The following OCA2 variants were observed in gnomAD, a reference collection of about 807,000 sequenced individuals.
The protein encoded by OCA2 is OCA2 melanosomal transmembrane protein.
In OCA2, 77 loss-of-function variants were observed where a neutral mutation model predicts 100.2. That is an observed-to-expected ratio of 0.77 (90% confidence interval 0.64 to 0.93). OCA2 has a LOEUF of 0.93. OCA2 is among the 40% of genes least tolerant of loss of function. The pLI is 0.00. For missense variants in OCA2, 1,062 were observed against 1,089.1 expected (o/e 0.98, Z 0.35); for synonymous variants, 432 against 439.2 (o/e 0.98, Z 0.21).
intron 23 of OCA2, among the ~76,000 whole-genome samples, chr15:27,804,706 C>T (rs148856142): frequency 2.3e-4 from 35 of 152,222 alleles, no homozygotes; most frequent in African/African-American, 7.7e-4. Context: ...GAATGGGAGG[C>T]GCCTGGGAAA....
At chr15:27,890,317 T>C (rs571458788) in intron 19 of OCA2, among the ~76,000 whole-genome samples, 2 of 152,310 alleles carry the variant, frequency 1.3e-5, no homozygotes, top group South Asian at 4.1e-4. Context: ...ATTTTCCCAA[T>C]TTGGCAAAAG....
intron 2 of OCA2, among the ~76,000 whole-genome samples, chr15:28,049,966 T>G (rs1195830419): frequency 2.0e-5 from 3 of 152,156 alleles, no homozygotes; most frequent in African/African-American, 7.2e-5. Context: ...TGATATATAT[T>G]TTTTCCACAC....
Position 27,951,834 on chromosome 15 carries a change from A to T in OCA2, c.1901T>A (p.Ile634Asn), listed in dbSNP as rs200692258. The T allele has an allele frequency of 6.9e-5, 112 of 1,614,000 alleles. No individual in the cohort carries two copies. Among genetic ancestry groups the T allele is most frequent in the Non-Finnish European group, 5.9e-5 (70 of 1,179,960 alleles). ...AAACGAATTGAGGAAAAACATGAAGATAACAAATCCCAACACTGTCAGGCA... is the reference window on the plus strand; with the variant it reads ...AAACGAATTGAGGAAAAACATGAAGTTAACAAATCCCAACACTGTCAGGCA... ...AKCLTVLGFV[I>N]FMFFLNSFVP... The change falls in exon 18 of 24, where the codon ATC becomes AAC. Residue 634 changes from isoleucine to asparagine, a missense_variant. Physicochemically the swap from Ile to Asn is moderately radical, Grantham distance 149. Transcript: ENST00000354638.
chr15:27,740,017 T>C, the OCA2 span, among the ~76,000 whole-genome samples: 1 of 152,222 alleles, frequency 6.6e-6, no homozygotes, highest in South Asian at 2.1e-4. Context: ...TGTTTGACTA[T>C]ACACTGGTTA....
chr15:28,093,488 C>G (rs1595938699), intron 1 of OCA2, among the ~76,000 whole-genome samples: 1 of 151,978 alleles, frequency 6.6e-6, no homozygotes, highest in African/African-American at 2.4e-5. Context: ...GAGGGTGGTT[C>G]ACTCCTGCAT....
chr15:27,798,483 G>C (rs1381680432), intron 23 of OCA2, among the ~76,000 whole-genome samples: 1 of 152,008 alleles, frequency 6.6e-6, no homozygotes, highest in Non-Finnish European at 1.5e-5. Flanking sequence ...TCATTTGCAG[G>C]AGGTCATGAC....
intron 2 of OCA2, among the ~76,000 whole-genome samples, chr15:28,049,455 G>A (rs543504166): frequency 1.3e-5 from 2 of 152,130 alleles, no homozygotes; most frequent in South Asian, 2.1e-4. Flanking sequence ...ATAATCTAGC[G>A]ATTTCACTCC....
intron 2 of OCA2, among the ~76,000 whole-genome samples, chr15:28,044,541 C>G (rs916935273): frequency 6.6e-6 from 1 of 152,204 alleles, no homozygotes; most frequent in African/African-American, 2.4e-5. Flanking sequence ...ATTATCCCTG[C>G]CACGTGCTAC....
At chr15:27,985,426 C>T (rs1449381243) in intron 12 of OCA2, among the ~76,000 whole-genome samples, 1 of 152,196 alleles carries the variant, frequency 6.6e-6, no homozygotes, top group African/African-American at 2.4e-5. Flanking sequence ...TCTTCCTTCA[C>T]AGAGCCCCTG....
intron 1 of OCA2, among the ~76,000 whole-genome samples, chr15:28,089,531 C>T (rs936068309): frequency 3.3e-5 from 5 of 152,122 alleles, no homozygotes; most frequent in East Asian, 1.9e-4. Flanking sequence ...TCCCTCCATT[C>T]GGGGTCCCTG....
intron 22 of OCA2, among the ~76,000 whole-genome samples, chr15:27,850,601 A>G (rs1218079825): frequency 1.3e-5 from 2 of 152,172 alleles, no homozygotes; most frequent in Non-Finnish European, 2.9e-5. Context: ...CATTACAGAA[A>G]CTTCACTGAA....
intron 23 of OCA2, among the ~76,000 whole-genome samples, chr15:27,816,772 C>T (rs1167885372): frequency 6.6e-6 from 1 of 152,148 alleles, no homozygotes; most frequent in Non-Finnish European, 1.5e-5. Flanking sequence ...ACTGGAGCCA[C>T]CCTCTGTTTC....
intron 19 of OCA2, among the ~76,000 whole-genome samples, chr15:27,908,469 C>G (rs1474619908): frequency 1.3e-5 from 2 of 152,190 alleles, no homozygotes; most frequent in Non-Finnish European, 2.9e-5. Flanking sequence ...GGCATTTCCA[C>G]TATGTCAGTG....
the OCA2 span, among the ~76,000 whole-genome samples, chr15:27,730,109 T>G: frequency 2.6e-5 from 4 of 152,198 alleles, no homozygotes; most frequent in African/African-American, 7.2e-5. Context: ...CAAGTCCTGG[T>G]CCTCCTATGC....
chr15:28,061,235 C>T (rs542961418), intron 2 of OCA2, among the ~76,000 whole-genome samples: 7 of 152,222 alleles, frequency 4.6e-5, no homozygotes, highest in East Asian at 1.9e-4. Flanking sequence ...AGCTGAAAGC[C>T]GACCCCAACA....
downstream of OCA2, among the ~76,000 whole-genome samples, chr15:27,750,983 C>T (rs1200684689): frequency 1.3e-5 from 2 of 152,190 alleles, no homozygotes; most frequent in African/African-American, 4.8e-5. Flanking sequence ...GAAGAGAGGT[C>T]AGCCAGGTGC....
chr15:27,755,431 A>T lies in OCA2; in HGVS notation c.2474T>A (p.Met825Lys), dbSNP rs1477878331. 6.2e-7 allele frequency: 1 copy of T among 1,613,938 alleles called. No individual in the cohort carries two copies. Among genetic ancestry groups the T allele is most frequent in the Admixed American group, 1.7e-5 (1 of 60,004 alleles). Reference sequence around the variant, plus strand: ...CACATGAGCCACAAGGAGATAACACATCCCAACAGTGCAGGACACAACCAT... The same window carrying T: ...CACATGAGCCACAAGGAGATAACACTTCCCAACAGTGCAGGACACAACCAT... The part of the protein sequence containing the change: ...PMMVVSCTVG[M>K]CYLLVAHVVV... Residue 825 changes from methionine to lysine, a missense_variant, in exon 24 of 24, where the codon ATG becomes AAG. By Grantham distance (95) the Met-to-Lys change is moderately conservative (BLOSUM62 -1). Coordinates refer to ENST00000354638, the MANE Select transcript of OCA2 (RefSeq NM_000275.3).
intron 17 of OCA2, among the ~76,000 whole-genome samples, chr15:27,954,829 C>T (rs941030795): frequency 5.3e-5 from 8 of 152,212 alleles, no homozygotes; most frequent in Non-Finnish European, 8.8e-5. Flanking sequence ...GTCTCCCCTC[C>T]GCAAAGTGTG....
At chr15:27,826,803 T>C (rs2034742636) in intron 23 of OCA2, among the ~76,000 whole-genome samples, 2 of 152,388 alleles carry the variant, frequency 1.3e-5, no homozygotes, top group South Asian at 2.1e-4. Context: ...GCACACTAGC[T>C]ATTAAACACC....
Sources: allele counts gnomAD v4.1 joint callset (sites outside exome capture counted in the v4.1 genomes callset), GRCh38; gene constraint gnomAD v4.1.1; transcripts MANE v1.5; gene names NCBI Gene and HGNC (gene_info 2026-07-23, HGNC 2026-07-21).